The following ZNF496 variants were observed in gnomAD, a reference collection of about 807,000 sequenced individuals.
ZNF496 encodes the protein NSD1 (nuclear receptor binding SET-domain containing 1)-interacting zinc finger protein 1.
A neutral mutation model predicts 58.9 loss-of-function variants in ZNF496; 11 were observed. That is an observed-to-expected ratio of 0.19 (90% CI 0.12 to 0.31). The LOEUF (loss-of-function observed/expected upper bound fraction) is 0.31. ZNF496 is among the 10% of genes least tolerant of loss of function. The pLI, the probability that ZNF496 is intolerant of heterozygous loss-of-function variation, is 1.00. For synonymous variants in ZNF496, 338 were observed against 318.2 expected, an observed-to-expected ratio of 1.06 and a Z score of -0.66; for missense variants, 660 against 783.0, an observed-to-expected ratio of 0.84 and a Z score of 1.88.
rs1558433362 is a variant in ZNF496 at position 247,297,691 on chromosome 1, G to A, written c.*2828C>T. The A allele has an allele frequency of 6.6e-6, 1 of 152,406 alleles. No homozygotes were observed. Among genetic ancestry groups the A allele is most frequent in the East Asian group, 1.9e-4 (1 of 5,180 alleles). 9.4% of individuals were successfully genotyped at this position (152,406 alleles called of 1,614,324 possible). A position where few individuals can be genotyped will look rare whatever the true frequency, so the allele number is the denominator to read the frequency against. Reference sequence around the variant, plus strand: ...CTGTGGTGAAGGGTGTTGGGCTGGAGGGTTGGCCGACCTCTCCTGAGAGCA... The same window carrying A: ...CTGTGGTGAAGGGTGTTGGGCTGGAAGGTTGGCCGACCTCTCCTGAGAGCA... On this transcript the variant is annotated 3_prime_UTR_variant, in exon 10 of 10. Coordinates refer to ENST00000682384, the MANE Select transcript of ZNF496 (RefSeq NM_032752.3).
intron 5 of ZNF496, 35 bp downstream of exon 5, chr1:247,328,642 TTCCCCA>T (rs745650696): frequency 1.3e-6 from 2 of 1,511,134 alleles, no homozygotes; most frequent in Non-Finnish European, 1.8e-6. Context: ...GGGTGTGCAC[TTCCCCA>T]GATCACCCCT....
intron 9 of ZNF496, among the ~76,000 whole-genome samples, chr1:247,303,064 A>G (rs746219100): frequency 6.6e-6 from 1 of 152,218 alleles, no homozygotes; most frequent in African/African-American, 2.4e-5. Context: ...GCCCTAACCC[A>G]TAGAGCCTCA....
At chr1:247,303,829 G>A (rs1000566976) in intron 9 of ZNF496, among the ~76,000 whole-genome samples, 3 of 152,162 alleles carry the variant, frequency 2.0e-5, no homozygotes, top group Admixed American at 2.0e-4. Flanking sequence ...ATAAGAAAGC[G>A]TGCACTGGAG....
At chr1:247,326,063 C>CACACACACAT (rs377682056) in intron 5 of ZNF496, among the ~76,000 whole-genome samples, 1 of 145,564 alleles carries the variant, frequency 6.9e-6, no homozygotes, top group East Asian at 2.0e-4. Context: ...CACACACACA[C>CACACACACAT]ATATATACAC....
chr1:247,323,360 G>A (rs1411200491), intron 5 of ZNF496, 130 bp from the exon 6 acceptor site: 1 of 626,876 alleles, frequency 1.6e-6, no homozygotes, highest in Non-Finnish European at 2.8e-6. Context: ...GGCACCAACA[G>A]GGAACTGTTT....
chr1:247,316,207 G>GACTTC (rs1659767748), intron 6 of ZNF496, among the ~76,000 whole-genome samples: 1 of 24,484 alleles, frequency 4.1e-5, no homozygotes, highest in Non-Finnish European at 1.2e-4. Context: ...GTGTGTGCGC[G>GACTTC]CGCGTGCGCG....
chr1:247,316,135 GGTGTGTGTGTGTGT>G (rs148003455), intron 6 of ZNF496, among the ~76,000 whole-genome samples: 59 of 139,924 alleles, frequency 4.2e-4, no homozygotes, highest in South Asian at 7.3e-4. Context: ...CTGGGAGAGG[GGTGTGTGTGTGTGT>G]GTGTGTGTGT....
chr1:247,313,246 G>C (rs1243558580), intron 6 of ZNF496: 2 of 152,270 alleles, frequency 1.3e-5, no homozygotes, highest in Admixed American at 6.5e-5. Context: ...AAAGCTGTGG[G>C]GAGGGGAACA....
chr1:247,308,393 A>G lies in ZNF496; in HGVS notation c.1006+82T>C, dbSNP rs1402753182. Reference sequence around the variant, plus strand: ...CATGCATTCAACACAACCATCCCCTATGCCACACATGCATACATACATTCA... The same window carrying G: ...CATGCATTCAACACAACCATCCCCTGTGCCACACATGCATACATACATTCA... On this transcript the variant is annotated intron_variant, in intron 9 of 9. Transcript: ENST00000682384. This position sits in a 1 kb window ranked among gnomAD's most constrained non-coding sequence, Gnocchi z 4.5. The G allele has an allele frequency of 7.9e-7, 1 of 1,259,236 alleles. No individual in the cohort carries two copies. Among genetic ancestry groups the G allele is most frequent in the Non-Finnish European group, 1.2e-6 (1 of 863,384 alleles). 78.0% of individuals were successfully genotyped at this position (1,259,236 alleles called of 1,614,324 possible). A position where few individuals can be genotyped will look rare whatever the true frequency, so the allele number is the denominator to read the frequency against.
rs780064448 is a variant in ZNF496, at chr1:247,308,700, C to T, written c.893-112G>A. The T allele has an allele frequency of 5.9e-6, 6 of 1,009,710 alleles. No individual in the cohort carries two copies. The highest frequency in any genetic ancestry group is 2.5e-5 in the East Asian group (1 of 39,250). 62.5% of individuals were successfully genotyped at this position (1,009,710 alleles called of 1,614,324 possible). A position where few individuals can be genotyped will look rare whatever the true frequency, so the allele number is the denominator to read the frequency against. ...ACGATCTGGGGGCGGCCCTGGGCTC[C>T]GTCCTGGGGACTGGCAGGGGGTGGC... On this transcript the variant is annotated intron_variant, in intron 8 of 9. Coordinates refer to ENST00000682384, the MANE Select transcript of ZNF496 (RefSeq NM_032752.3). The surrounding 1 kb of genome is among the most constrained non-coding windows in gnomAD (Gnocchi z 4.5).
intron 6 of ZNF496, among the ~76,000 whole-genome samples, chr1:247,321,346 G>GA (rs1659957935): frequency 6.6e-6 from 1 of 152,150 alleles, no homozygotes; most frequent in Non-Finnish European, 1.5e-5. Flanking sequence ...TAGCATGGAG[G>GA]TTGCCAGGGG....
chr1:247,317,418 C>T (rs909464908), intron 6 of ZNF496, among the ~76,000 whole-genome samples: 2 of 152,186 alleles, frequency 1.3e-5, no homozygotes, highest in African/African-American at 4.8e-5. Context: ...AAAACTGTGG[C>T]CCCTTCTTAC....
At chr1:247,323,290 C>G in intron 5 of ZNF496, 60 bp from the exon 6 acceptor site, 1 of 1,268,240 alleles carries the variant, frequency 7.9e-7, no homozygotes, top group Non-Finnish European at 1.1e-6. Flanking sequence ...GGTGCTGATA[C>G]CTTCTGAGCT....
In ZNF496 at chr1:247,298,166, G is replaced by C. The variant is rs576591287; in HGVS notation, c.*2353C>G. 2 of 152,270 alleles carry C rather than the reference G, an allele frequency of 1.3e-5. No homozygotes were observed. The highest frequency in any genetic ancestry group is 3.9e-4 in the East Asian group (2 of 5,176). The allele number at this position is 152,270 out of a possible 1,614,324, so 9.4% of individuals were successfully genotyped here. A position where few individuals can be genotyped will look rare whatever the true frequency, so the allele number is the denominator to read the frequency against. On this transcript the variant is annotated 3_prime_UTR_variant, in exon 10 of 10. Transcript: ENST00000682384. ...CCCTTTTCCAGCTATGTTGATACAA[G>C]AGACAAACTATTTAGAAAGTAAAAG...
rs1219666381 is a variant in ZNF496, at chr1:247,308,151, G to A, written c.1006+324C>T. On this transcript the variant is annotated intron_variant, in intron 9 of 9. Transcript: ENST00000682384. This position sits in a 1 kb window ranked among gnomAD's most constrained non-coding sequence, Gnocchi z 4.5. ...AGCCTGGGATTGGGAGTGAGCTGGA[G>A]AATGACCCCAGCACAACGGAATCAG... The A allele has an allele frequency of 1.0e-5, 4 of 400,878 alleles. No homozygotes were observed. The highest frequency in any genetic ancestry group is 1.4e-5 in the Non-Finnish European group (4 of 295,680). The allele number at this position is 400,878 out of a possible 1,614,324, so 24.8% of individuals were successfully genotyped here. A position where few individuals can be genotyped will look rare whatever the true frequency, so the allele number is the denominator to read the frequency against.
chr1:247,330,927 C>T (rs1218461612), intron 2 of ZNF496, among the ~76,000 whole-genome samples: 1 of 152,272 alleles, frequency 6.6e-6, no homozygotes, highest in Non-Finnish European at 1.5e-5. Flanking sequence ...TAACAACATA[C>T]ACAGAAACCC....
chr1:247,318,343 C>A (rs751907641), intron 6 of ZNF496, among the ~76,000 whole-genome samples: 37 of 152,110 alleles, frequency 2.4e-4, no homozygotes, highest in Non-Finnish European at 4.6e-4. Flanking sequence ...CTTAAGAATT[C>A]CCAAGCTTGG....
intron 6 of ZNF496, among the ~76,000 whole-genome samples, chr1:247,321,282 T>C (rs1435940640): frequency 6.6e-6 from 1 of 152,098 alleles, no homozygotes; most frequent in African/African-American, 2.4e-5. Context: ...AGGCAAATAG[T>C]GCATAATTCC....
chr1:247,301,244 G>A lies in ZNF496; in HGVS notation c.1039C>T (p.Leu347=), dbSNP rs770515472. 1 of 1,529,256 alleles carries A rather than the reference G, an allele frequency of 6.5e-7. No homozygotes were observed. The highest frequency in any genetic ancestry group is 8.8e-7 in the Non-Finnish European group (1 of 1,140,498). The allele number at this position is 1,529,256 out of a possible 1,614,324, so 94.7% of individuals were successfully genotyped here. ...ATCTCGATGGTCACTTCTTCATCCA[G>A]GCTGTTCTCTAGAGATCGCGGGTTG... ...GGNPRSLENS[L]DEEVTIEIVL... The change falls in exon 10 of 10, where the codon CTG becomes TTG. Residue 347 remains leucine, a synonymous_variant. Transcript: ENST00000682384.
Sources: allele counts gnomAD v4.1 joint callset (sites outside exome capture counted in the v4.1 genomes callset), GRCh38; gene constraint gnomAD v4.1.1; non-coding constraint Gnocchi (gnomAD v3.1); transcripts MANE v1.5; gene names NCBI Gene and HGNC (gene_info 2026-07-23, HGNC 2026-07-21).